DENND2B: variants seen among roughly 807,000 people sequenced by gnomAD.
DENND2B encodes DENN domain containing 2B.
DENND2B carries 32 observed loss-of-function variants against 116.0 expected under a neutral mutation model. The ratio of observed to expected loss-of-function variants is 0.28; its 90% CI spans 0.21 to 0.37. DENND2B has a LOEUF of 0.37. DENND2B is among the 10% of genes least tolerant of loss of function. DENND2B has a pLI of 1.00. For missense variants in DENND2B, 1,276 were observed against 1,477.7 expected, an observed-to-expected ratio of 0.86 and a Z score of 2.24; for synonymous variants, 588 against 583.9, an observed-to-expected ratio of 1.01 and a Z score of -0.10.
At chr11:8,872,630 T>A (rs1378494827), upstream of DENND2B, among the ~76,000 whole-genome samples, 1 of 152,138 alleles carries the variant, frequency 6.6e-6, no homozygotes, top group Non-Finnish European at 1.5e-5. Context: ...GAATTACTAG[T>A]ATTAACTCTT....
At position 8,701,360 on chromosome 11, in the gene DENND2B, AGGG is replaced by A. The variant is rs1483407115; in HGVS notation, c.2720+1209_2720+1211del. ...GCCAGCTTCCGGGGGGGGGGGGGGG[AGGG>A]GCTACATGAATGACATGCCTGGTCA... is the stretch of plus-strand genomic sequence containing the variant. On this transcript the variant is annotated intron_variant, in intron 14 of 19. Transcript: ENST00000313726. 3.4e-4 allele frequency among the ~76,000 whole-genome samples: 2 copies of A among 5,850 alleles called. 1 individual carries two copies. Among genetic ancestry groups the A allele is most frequent in the South Asian group, 0.024 (2 of 84 alleles). The allele number at this position is 5,850 out of a possible 152,430, so 3.8% of individuals were successfully genotyped here. A position where few individuals can be genotyped will look rare whatever the true frequency, so the allele number is the denominator to read the frequency against.
chr11:8,904,551 C>T (rs1335279854), intron 1 of DENND2B, among the ~76,000 whole-genome samples: 1 of 152,124 alleles, frequency 6.6e-6, no homozygotes, highest in Non-Finnish European at 1.5e-5. Flanking sequence ...TTCTATTCAA[C>T]ATTGTACTAC....
At chr11:8,751,691 G>A (rs1002930919) in intron 1 of DENND2B, among the ~76,000 whole-genome samples, 1 of 152,134 alleles carries the variant, frequency 6.6e-6, no homozygotes, top group African/African-American at 2.4e-5. Context: ...AAGTCAGTGA[G>A]ACCAAGAACC....
intron 1 of DENND2B, among the ~76,000 whole-genome samples, chr11:8,764,782 T>C (rs375728165): frequency 1.3e-5 from 2 of 152,052 alleles, no homozygotes; most frequent in East Asian, 3.9e-4. Flanking sequence ...CTGTCTCTAC[T>C]AAAAATACAA....
intron 1 of DENND2B, among the ~76,000 whole-genome samples, chr11:8,778,543 G>C (rs1042980341): frequency 2.0e-4 from 31 of 152,282 alleles, no homozygotes; most frequent in Non-Finnish European, 1.3e-4. Flanking sequence ...GTACTTTAAG[G>C]CAGAAAAGGC....
chr11:8,900,430 CAAAA>C (rs3047629), intron 1 of DENND2B, among the ~76,000 whole-genome samples: 8 of 114,704 alleles, frequency 7.0e-5, no homozygotes, highest in East Asian at 2.5e-4. Context: ...GACTCCATCT[CAAAA>C]AAAAAAAAAA....
At chr11:8,798,742 T>C (rs945908894) in intron 1 of DENND2B, among the ~76,000 whole-genome samples, 20 of 151,982 alleles carry the variant, frequency 1.3e-4, no homozygotes, top group East Asian at 1.2e-3. Context: ...TTGTGGGTCC[T>C]GCAACTGGAG....
At chr11:8,903,582 C>A (rs1331784059) in intron 1 of DENND2B, among the ~76,000 whole-genome samples, 1 of 150,342 alleles carries the variant, frequency 6.7e-6, no homozygotes, top group Non-Finnish European at 1.5e-5. Context: ...TTTTTGTCAA[C>A]AAATTAGACA....
intron 2 of DENND2B, among the ~76,000 whole-genome samples, chr11:8,742,327 A>T (rs1593023226): frequency 6.6e-6 from 1 of 150,700 alleles, no homozygotes; most frequent in Non-Finnish European, 1.5e-5. Context: ...ATGCCATTAA[A>T]TTTTTTTTTT....
chr11:8,719,299 C>T (rs1033007666), intron 4 of DENND2B, among the ~76,000 whole-genome samples: 6 of 152,122 alleles, frequency 3.9e-5, no homozygotes, highest in South Asian at 2.1e-4. Flanking sequence ...AGAACCACAA[C>T]GAATTTAGGA....
chr11:8,869,456 A>G (rs1285373221), intron 2 of DENND2B, among the ~76,000 whole-genome samples: 1 of 152,132 alleles, frequency 6.6e-6, no homozygotes, highest in Non-Finnish European at 1.5e-5. Flanking sequence ...TCAAATCAGG[A>G]CTTTGAGACC....
At chr11:8,849,400 T>TGG in intron 3 of DENND2B, among the ~76,000 whole-genome samples, 1 of 120,014 alleles carries the variant, frequency 8.3e-6, no homozygotes, top group Non-Finnish European at 1.7e-5. Flanking sequence ...GGCTGAGGCA[T>TGG]GAGAATCACC....
chr11:8,804,827 A>G (rs1267634366), intron 1 of DENND2B, among the ~76,000 whole-genome samples: 1 of 152,158 alleles, frequency 6.6e-6, no homozygotes, highest in Non-Finnish European at 1.5e-5. Flanking sequence ...TACAGACGTG[A>G]GCCACTGCGC....
chr11:8,812,601 C>G (rs2061429584), upstream of DENND2B, among the ~76,000 whole-genome samples: 1 of 152,102 alleles, frequency 6.6e-6, no homozygotes, highest in African/African-American at 2.4e-5. Flanking sequence ...GTACATTAAG[C>G]ACAGTGGTTG....
At chr11:8,848,317 A>C (rs1368265926) in intron 3 of DENND2B, among the ~76,000 whole-genome samples, 2 of 152,238 alleles carry the variant, frequency 1.3e-5, no homozygotes, top group Admixed American at 6.5e-5. Flanking sequence ...AATGAGACTT[A>C]AATGTTTTAA....
intron 2 of DENND2B, among the ~76,000 whole-genome samples, chr11:8,878,426 G>A (rs1481966108): frequency 6.6e-6 from 1 of 150,682 alleles, no homozygotes; most frequent in Non-Finnish European, 1.5e-5. Flanking sequence ...GTCTCGCTCA[G>A]TCGTCCAGGC....
At chr11:8,837,360 C>CT (rs1566035922) in intron 4 of DENND2B, among the ~76,000 whole-genome samples, 2 of 151,892 alleles carry the variant, frequency 1.3e-5, no homozygotes, top group African/African-American at 4.8e-5. Flanking sequence ...CTTTATTTTT[C>CT]TTTTTGAGAT....
Position 8,860,586 on chromosome 11 carries a change from A to G in DENND2B, c.-249-3150T>C, listed in dbSNP as rs12419872. ...AATACACCCCATGCTCATGAAATCA[A>G]AGAATCAATATCATGAAAATGAGCA... On this transcript the variant is annotated intron_variant, in intron 2 of 6. Transcript: ENST00000524757. Among the ~76,000 whole-genome samples, 648 of 152,354 alleles carry G rather than the reference A, an allele frequency of 4.3e-3. 5 individuals are homozygous for G. Among genetic ancestry groups the G allele is most frequent in the Non-Finnish European group, 7.2e-3 (489 of 68,036 alleles).
In DENND2B at chr11:8,698,947, G is replaced by C; in HGVS notation, c.2926C>G (p.Arg976Gly). The change falls in exon 16 of 20, where the codon CGA becomes GGA. Residue 976 changes from arginine to glycine, a missense_variant. Physicochemically the swap from Arg to Gly is moderately radical, Grantham distance 125 (BLOSUM62 -2). Around this residue, in one of 2 missense-constraint regions of DENND2B, gnomAD observed 420 missense variants for 631.1 expected, o/e 0.67. Coordinates refer to ENST00000313726, the MANE Select transcript of DENND2B (RefSeq NM_213618.2). ...EALMVNLGSDRFIRQMDDEDT... is the reference protein window; with the variant it reads ...EALMVNLGSDGFIRQMDDEDT... ...CACCCTCTTACCTGTCGGATGAATC[G>C]GTCAGATCCCAGATTCACCATCAGC... 6.2e-7 allele frequency: 1 copy of C among 1,614,120 alleles called. No homozygotes were observed. The highest frequency in any genetic ancestry group is 8.5e-7 in the Non-Finnish European group (1 of 1,180,028).
Sources: allele counts gnomAD v4.1 joint callset (sites outside exome capture counted in the v4.1 genomes callset), GRCh38; gene constraint gnomAD v4.1.1; regional missense constraint gnomAD v4.1.1; transcripts MANE v1.5; gene names NCBI Gene and HGNC (gene_info 2026-07-23, HGNC 2026-07-21).